The following PTGER3 variants were observed in gnomAD, a reference collection of about 807,000 sequenced individuals.
The protein encoded by PTGER3 is prostaglandin E receptor 3.
PTGER3 carries 22 observed loss-of-function variants against 34.7 expected under a neutral mutation model. The observed-to-expected ratio is 0.63, with a 90% CI of 0.45 to 0.91. PTGER3 has a LOEUF of 0.91. Among genes scored for constraint, PTGER3 ranks in the 40% least tolerant of loss-of-function variants. The pLI is 0.00. For synonymous variants in PTGER3, 241 were observed against 230.1 expected (o/e 1.05, Z -0.43); for missense variants, 468 against 519.4 (o/e 0.90, Z 0.96).
chr1:70,976,276 T>C (rs1029068925), intron 2 of PTGER3, among the ~76,000 whole-genome samples: 1 of 152,172 alleles, frequency 6.6e-6, no homozygotes, highest in Non-Finnish European at 1.5e-5. Context: ...CGCGTCATTA[T>C]ACATTTTTCC....
At chr1:70,922,613 T>A (rs993698080) in intron 4 of PTGER3, among the ~76,000 whole-genome samples, 22 of 152,008 alleles carry the variant, frequency 1.4e-4, no homozygotes, top group African/African-American at 5.1e-4. Flanking sequence ...ATCCCTTACT[T>A]ACCAAGGCTT....
At position 70,934,670 on chromosome 1, in the gene PTGER3, C is replaced by T. The variant is rs1572691925; in HGVS notation, c.*23+19093G>A. 3.3e-5 allele frequency among the ~76,000 whole-genome samples: 5 copies of T among 152,202 alleles called. No individual in the cohort carries two copies. The South Asian group carries it at 1.0e-3, about 32-fold the overall frequency. On this transcript the variant is annotated intron_variant, in intron 4 of 4. Coordinates refer to the PTGER3 transcript ENST00000370931. ...GTCTCCATTGATACATAAATACAGGCCACACACACAACATTACTTTCCAGA... is the reference window on the plus strand; with the variant it reads ...GTCTCCATTGATACATAAATACAGGTCACACACACAACATTACTTTCCAGA...
At chr1:70,958,442 C>A (rs1651582758) in intron 2 of PTGER3, among the ~76,000 whole-genome samples, 2 of 152,100 alleles carry the variant, frequency 1.3e-5, no homozygotes, top group Admixed American at 1.3e-4. Flanking sequence ...TGAAGTTTTG[C>A]ATTTTTAATC....
intron 4 of PTGER3, among the ~76,000 whole-genome samples, chr1:70,894,047 C>T (rs1184595273): frequency 6.6e-6 from 1 of 152,116 alleles, no homozygotes; most frequent in African/African-American, 2.4e-5. Context: ...GTGGCTCACG[C>T]CAGTAATCCC....
intron 4 of PTGER3, among the ~76,000 whole-genome samples, chr1:70,919,778 T>A (rs377715624): frequency 1.3e-5 from 2 of 152,142 alleles, no homozygotes; most frequent in East Asian, 3.8e-4. Flanking sequence ...CTATACTCTG[T>A]GTAGTAGAGA....
intron 2 of PTGER3, among the ~76,000 whole-genome samples, chr1:71,004,699 T>C (rs1435581802): frequency 6.6e-6 from 1 of 152,134 alleles, no homozygotes; most frequent in Admixed American, 6.5e-5. Flanking sequence ...CCTAATTCCT[T>C]TTATCAAAAA....
At chr1:70,965,442 G>A (rs2100650060) in intron 2 of PTGER3, among the ~76,000 whole-genome samples, 1 of 152,216 alleles carries the variant, frequency 6.6e-6, no homozygotes, top group East Asian at 1.9e-4. Flanking sequence ...CGGAGGGGCA[G>A]AATTGAGTAA....
intron 4 of PTGER3, among the ~76,000 whole-genome samples, chr1:70,868,584 T>A (rs1646095530): frequency 6.6e-6 from 1 of 152,084 alleles, no homozygotes; most frequent in South Asian, 2.1e-4. Context: ...TTGCTCTGGA[T>A]AATAAAGCCT....
At chr1:71,027,441 A>C (rs1659028587) in intron 1 of PTGER3, among the ~76,000 whole-genome samples, 1 of 152,198 alleles carries the variant, frequency 6.6e-6, no homozygotes, top group South Asian at 2.1e-4. Flanking sequence ...GAAATTAAAA[A>C]CAAAAGATTT....
intron 3 of PTGER3, among the ~76,000 whole-genome samples, chr1:70,973,228 TAGATA>T (rs1471035470): frequency 1.4e-4 from 8 of 56,392 alleles, no homozygotes; most frequent in Middle Eastern, 7.4e-3. Context: ...AGATGATAGA[TAGATA>T]GATAGATAGA....
chr1:71,026,317 G>A (rs1165546953), intron 1 of PTGER3, among the ~76,000 whole-genome samples: 1 of 152,130 alleles, frequency 6.6e-6, no homozygotes, highest in African/African-American at 2.4e-5. Flanking sequence ...TGAATGTTAT[G>A]TATTACAAAC....
chr1:70,904,854 A>C (rs1291422120), intron 4 of PTGER3, among the ~76,000 whole-genome samples: 2 of 152,170 alleles, frequency 1.3e-5, no homozygotes, highest in African/African-American at 4.8e-5. Context: ...AGTAGTGAGG[A>C]GTGAATGTTA....
At chr1:71,023,668 AG>A (rs1197188502) in intron 1 of PTGER3, among the ~76,000 whole-genome samples, 2 of 151,890 alleles carry the variant, frequency 1.3e-5, no homozygotes, top group Non-Finnish European at 2.9e-5. Context: ...TCCCTATCAC[AG>A]TAAATCCCCA....
intron 4 of PTGER3, among the ~76,000 whole-genome samples, chr1:70,866,113 C>T (rs1646036911): frequency 6.6e-6 from 1 of 152,170 alleles, no homozygotes; most frequent in African/African-American, 2.4e-5. Context: ...TGTCTGAACG[C>T]CCGTCTTAAT....
intron 4 of PTGER3, among the ~76,000 whole-genome samples, chr1:70,879,191 C>G (rs1646334084): frequency 2.6e-5 from 4 of 152,038 alleles, no homozygotes; most frequent in African/African-American, 9.7e-5. Context: ...GTAAGGTCTT[C>G]TTGTTGGATT....
chr1:70,891,017 T>A (rs1646605387), intron 4 of PTGER3, among the ~76,000 whole-genome samples: 1 of 152,222 alleles, frequency 6.6e-6, no homozygotes, highest in Admixed American at 6.5e-5. Flanking sequence ...GTGCAGTTGC[T>A]TTTACTCAAC....
At chr1:70,923,973 C>A (rs1048521198) in intron 4 of PTGER3, among the ~76,000 whole-genome samples, 1 of 152,068 alleles carries the variant, frequency 6.6e-6, no homozygotes, top group Non-Finnish European at 1.5e-5. Flanking sequence ...ACTTGTAGAG[C>A]CAATAAAAGT....
intron 2 of PTGER3, among the ~76,000 whole-genome samples, chr1:70,957,960 C>T (rs536308270): frequency 6.6e-6 from 1 of 152,270 alleles, no homozygotes; most frequent in Admixed American, 6.5e-5. Context: ...GCTTATTTCA[C>T]ATAATATAAT....
chr1:70,890,351 C>T (rs1168812897), intron 4 of PTGER3, among the ~76,000 whole-genome samples: 1 of 152,150 alleles, frequency 6.6e-6, no homozygotes, highest in African/African-American at 2.4e-5. Context: ...AAGTGATCCT[C>T]TTAAGATCAG....
Sources: gnomAD v4.1 joint callset for allele counts (sites outside exome capture counted in the v4.1 genomes callset) on GRCh38, gnomAD v4.1.1 for gene constraint, MANE v1.5 for transcripts, NCBI Gene and HGNC (gene_info 2026-07-23, HGNC 2026-07-21) for gene names.